Variants in SASH1 observed in about 807,000 individuals in gnomAD.
SASH1 encodes SAM and SH3 domain-containing protein 1.
SASH1 carries 44 observed loss-of-function variants against 125.2 expected under a neutral mutation model. That is an observed-to-expected ratio of 0.35 (90% CI 0.28 to 0.45). The LOEUF (loss-of-function observed/expected upper bound fraction) is 0.45. Ranked by LOEUF, SASH1 falls within the 20% of genes least tolerant of loss-of-function variation. SASH1 has a pLI of 1.00. For missense variants in SASH1, 1,426 were observed against 1,614.5 expected (o/e 0.88, Z 2.00); for synonymous variants, 639 against 649.1 (o/e 0.98, Z 0.24).
the SASH1 span, among the ~76,000 whole-genome samples, chr6:148,197,800 T>G: frequency 2.0e-5 from 3 of 152,174 alleles, no homozygotes; most frequent in African/African-American, 7.2e-5. Flanking sequence ...GTGGTTTTCC[T>G]CATGCTGTTC....
chr6:148,458,871 G>A (rs1777477146), intron 4 of SASH1, among the ~76,000 whole-genome samples: 1 of 151,832 alleles, frequency 6.6e-6, no homozygotes, highest in Non-Finnish European at 1.5e-5. Context: ...GAAGGCCAAA[G>A]CAGGAAGATT....
chr6:148,404,461 T>C (rs1302231135), intron 2 of SASH1, among the ~76,000 whole-genome samples: 1 of 152,096 alleles, frequency 6.6e-6, no homozygotes, highest in Non-Finnish European at 1.5e-5. Context: ...CAGGATCCAC[T>C]GAGGATAAAC....
At chr6:148,328,105 G>C (rs544336839) in intron 1 of SASH1, among the ~76,000 whole-genome samples, 18 of 152,088 alleles carry the variant, frequency 1.2e-4, no homozygotes, top group Admixed American at 2.6e-4. Flanking sequence ...TCACACATGC[G>C]ATTAGAGCAC....
intron 2 of SASH1, among the ~76,000 whole-genome samples, chr6:148,399,388 G>A (rs1444100163): frequency 2.6e-5 from 4 of 151,812 alleles, no homozygotes; most frequent in Admixed American, 2.6e-4. Context: ...ACCACACCCA[G>A]CTAATTTTTG....
intron 1 of SASH1, among the ~76,000 whole-genome samples, chr6:148,387,576 CTTTCTTTCTTTCTTTCTTTCTTTCT>C (rs1783450284): frequency 1.1e-3 from 6 of 5,408 alleles, no homozygotes. Context: ...CTCTTTCTTT[CTTTCTTTCTTTCTTTCTTTCTTTCT>C]TTCTTTCTTT....
At chr6:148,311,907 T>A (rs769582123) in intron 1 of SASH1, among the ~76,000 whole-genome samples, 18 of 152,220 alleles carry the variant, frequency 1.2e-4, no homozygotes, top group Non-Finnish European at 2.6e-4. Context: ...CTGCTTCAAC[T>A]GGTAAACAGG....
At position 148,544,466 on chromosome 6, in the gene SASH1, G is replaced by T. The variant is rs748096768; in HGVS notation, c.2996G>T (p.Gly999Val). Residue 999 changes from glycine (G) to valine (V), a missense_variant, in exon 18 of 20, where the codon GGA (glycine) becomes GTA (valine). Gly to Val is a moderately radical substitution (Grantham distance 109, BLOSUM62 -3). Coordinates refer to ENST00000367467, the MANE Select transcript of SASH1 (RefSeq NM_015278.5). This position sits in a 1 kb window ranked among gnomAD's most constrained non-coding sequence, Gnocchi z 6.4. ...AAGAGCAGAGAACGCCTTGCTAACGGACTCCACCCTGTTCCCATGGGCCCC... is the reference window on the plus strand; with the variant it reads ...AAGAGCAGAGAACGCCTTGCTAACGTACTCCACCCTGTTCCCATGGGCCCC... ...AKKSRERLAN[G>V]LHPVPMGPSG... 1.9e-6 allele frequency: 3 copies of T among 1,614,098 alleles called. No homozygotes were observed. Among genetic ancestry groups the T allele is most frequent in the South Asian group, 2.2e-5 (2 of 91,074 alleles).
intron 1 of SASH1, among the ~76,000 whole-genome samples, chr6:148,290,750 C>T (rs1376311344): frequency 6.7e-6 from 1 of 149,222 alleles, no homozygotes; most frequent in Non-Finnish European, 1.5e-5. Context: ...GGCGGCAGGG[C>T]CCTCTGCCTG....
chr6:148,335,287 G>A (rs1252020385), intron 1 of SASH1, among the ~76,000 whole-genome samples: 1 of 149,660 alleles, frequency 6.7e-6, no homozygotes, highest in African/African-American at 2.5e-5. Context: ...AACAGAGCCA[G>A]ACTCTGTCTC....
At chr6:148,390,880 A>G (rs1783687027) in intron 2 of SASH1, among the ~76,000 whole-genome samples, 1 of 151,622 alleles carries the variant, frequency 6.6e-6, no homozygotes, top group African/African-American at 2.4e-5. Flanking sequence ...TTTTTTATTG[A>G]CTCTAAGCCC....
chr6:148,363,306 T>A (rs74987703), intron 1 of SASH1, among the ~76,000 whole-genome samples: 4,279 of 151,934 alleles, frequency 0.028, 200 homozygotes, highest in African/African-American at 0.098. Context: ...TTATTTTTTT[T>A]ATTTATTTAT....
At chr6:148,242,390 T>C in the SASH1 span, among the ~76,000 whole-genome samples, 2 of 152,304 alleles carry the variant, frequency 1.3e-5, no homozygotes, top group South Asian at 4.2e-4. Context: ...ACTCTGAGTG[T>C]CTTTGGACTC....
At position 148,390,269 on chromosome 6, in the gene SASH1, G is replaced by A; in HGVS notation, c.285+7G>A. On this transcript the variant is annotated splice_region_variant and intron_variant, in intron 2 of 19. Transcript: ENST00000367467. ...TTCCCAGGACCTGGAAGTGGTGAGT[G>A]GGGGTCCTGGGAATATGCTTCTGTG... The A allele has an allele frequency of 6.2e-7, 1 of 1,609,332 alleles. No individual in the cohort carries two copies. Among genetic ancestry groups the A allele is most frequent in the Non-Finnish European group, 8.5e-7 (1 of 1,178,358 alleles).
Position 148,283,763 on chromosome 6 carries a change from ACT to A in SASH1, n.74+11389_74+11390del, listed in dbSNP as rs1367063191. Reference sequence around the variant, plus strand: ...CACCCCAGCCTGGGTGAAGATCGAGACTCTGTCTCAAAAAAAATGAGTACTCC... The same window carrying A: ...CACCCCAGCCTGGGTGAAGATCGAGACTGTCTCAAAAAAAATGAGTACTCC... On this transcript the variant is annotated intron_variant and non_coding_transcript_variant, in intron 1 of 3. Transcript: ENST00000367469. Among the ~76,000 whole-genome samples the A allele has an allele frequency of 1.4e-4, 21 of 151,456 alleles. No homozygotes were observed. In the South Asian group the frequency reaches 4.4e-3, roughly 32 times the overall value.
chr6:148,316,964 T>G (rs1780493866), intron 1 of SASH1, among the ~76,000 whole-genome samples: 1 of 152,188 alleles, frequency 6.6e-6, no homozygotes, highest in African/African-American at 2.4e-5. Flanking sequence ...CTACTGCCAT[T>G]TCTGCCTTGA....
At chr6:148,464,896 T>G (rs941274290) in intron 4 of SASH1, among the ~76,000 whole-genome samples, 2 of 152,058 alleles carry the variant, frequency 1.3e-5, no homozygotes, top group African/African-American at 2.4e-5. Context: ...AAAATCCCAC[T>G]CACCACAGCA....
the SASH1 span, among the ~76,000 whole-genome samples, chr6:148,260,780 A>G: frequency 6.8e-6 from 1 of 147,806 alleles, no homozygotes. Flanking sequence ...AATGTTTGGT[A>G]AATCTCCTAT....
chr6:148,466,066 GC>G (rs1406826232), intron 4 of SASH1, among the ~76,000 whole-genome samples: 1 of 152,178 alleles, frequency 6.6e-6, no homozygotes, highest in Non-Finnish European at 1.5e-5. Context: ...TAAAAGCCTT[GC>G]AGGTAAATAC....
At chr6:148,422,341 C>G (rs1438062199) in intron 2 of SASH1, among the ~76,000 whole-genome samples, 5 of 152,144 alleles carry the variant, frequency 3.3e-5, no homozygotes, top group African/African-American at 1.2e-4. Context: ...AGTCAGTGAT[C>G]CGTGTGAATT....
Sources: gnomAD v4.1 joint callset for allele counts (sites outside exome capture counted in the v4.1 genomes callset) on GRCh38, gnomAD v4.1.1 for gene constraint, Gnocchi (gnomAD v3.1) non-coding constraint, MANE v1.5 for transcripts, NCBI Gene and HGNC (gene_info 2026-07-23, HGNC 2026-07-21) for gene names.